ADAMTS8: variants seen among roughly 807,000 people sequenced by gnomAD.
ADAMTS8 encodes A disintegrin and metalloproteinase with thrombospondin motifs 8.
In ADAMTS8, 50 loss-of-function variants were observed where a neutral mutation model predicts 64.4. The observed-to-expected ratio is 0.78, with a 90% CI of 0.62 to 0.98. The LOEUF (loss-of-function observed/expected upper bound fraction) is 0.98, where lower values mean the gene tolerates loss of function less well. Among genes scored for constraint, ADAMTS8 ranks in the 50% least tolerant of loss-of-function variants. The probability of loss-of-function intolerance (pLI) is 0.00; values close to 1 mark genes in which losing one functional copy is unlikely to be tolerated. For synonymous variants in ADAMTS8, 556 were observed against 533.6 expected (o/e 1.04, Z -0.58); for missense variants, 1,192 against 1,208.2 (o/e 0.99, Z 0.20).
chr11:130,409,197 C>T (rs112453496), intron 6 of ADAMTS8, among the ~76,000 whole-genome samples: 2 of 152,198 alleles, frequency 1.3e-5, no homozygotes, highest in African/African-American at 2.4e-5. Context: ...GAAAGAGACT[C>T]ATTGTACTCT....
rs564335492 is a variant in ADAMTS8 at position 130,427,746 on chromosome 11, C to T, written c.541G>A (p.Asp181Asn). Residue 181 changes from aspartate (D) to asparagine (N), a missense_variant, in exon 1 of 9, where the codon GAC becomes AAC. Around this residue, in one of 5 missense-constraint regions of ADAMTS8, gnomAD observed 741 missense variants for 710.6 expected, o/e 1.04. Transcript: ENST00000257359. ...TGEGQRQERG[D>N]HQEDSEEESQ... ...TCCTCCTCGCTGTCCTCCTGGTGGT[C>T]TCCTCTCTCCTGCCTCTGACCCTCT... 1 of 1,595,930 alleles carries T rather than the reference C, an allele frequency of 6.3e-7. No individual in the cohort carries two copies. Among genetic ancestry groups the T allele is most frequent in the South Asian group, 1.1e-5 (1 of 87,996 alleles).
At chr11:130,409,119 A>C (rs1474312822) in intron 6 of ADAMTS8, among the ~76,000 whole-genome samples, 179 bp from the exon 7 acceptor site, 1 of 152,102 alleles carries the variant, frequency 6.6e-6, no homozygotes, top group African/African-American at 2.4e-5. Context: ...ACCCTTACTC[A>C]AAAGGGCAAG....
At position 130,405,553 on chromosome 11, in the gene ADAMTS8, CT is replaced by C. The variant is rs1861866442; in HGVS notation, c.*4del. On this transcript the variant is annotated 3_prime_UTR_variant, in exon 9 of 9. Transcript: ENST00000257359. The stretch of plus-strand genomic sequence containing the variant: ...GAGCACAAGACTGGCCCCTGCCCCC[CT>C]GAATCACAGGGGGCACAGCTGGCTT... The C allele has an allele frequency of 1.3e-6, 2 of 1,590,360 alleles. No homozygotes were observed. The highest frequency in any genetic ancestry group is 1.7e-6 in the Non-Finnish European group (2 of 1,166,092).
chr11:130,414,777 C>G lies in ADAMTS8; in HGVS notation c.1320G>C (p.Pro440=). 6.2e-7 allele frequency: 1 copy of G among 1,613,150 alleles called. No individual in the cohort carries two copies. Residue 440 remains proline (P), a synonymous_variant, in exon 5 of 9, where the codon CCG becomes CCC. Transcript: ENST00000257359. ...AAALPLPTGL[P]GRMALYQLDQ... Reference sequence around the variant, plus strand: ...CCAGCTGGTACAGGGCCATGCGGCCCGGGAGGCCTGTGGGGAGGGGCAGGG... The same window carrying G: ...CCAGCTGGTACAGGGCCATGCGGCCGGGGAGGCCTGTGGGGAGGGGCAGGG...
chr11:130,408,555 C>T lies in ADAMTS8; in HGVS notation c.2008G>A (p.Val670Met), dbSNP rs1009817402. The change falls in exon 8 of 9, where the codon GTG becomes ATG. Residue 670 changes from valine (V) to methionine (M), a missense_variant. Physicochemically the swap from Val to Met is conservative, Grantham distance 21 (BLOSUM62 1). Around this residue, in one of 5 missense-constraint regions of ADAMTS8, gnomAD observed 290 missense variants for 297.8 expected, o/e 0.97. Coordinates refer to ENST00000257359, the MANE Select transcript of ADAMTS8 (RefSeq NM_007037.6). Reference sequence around the variant, plus strand: ...TTGTCCAGCTTCCGAGGCGAGTCCACCACATGGTCACAGCCGGCCTTGACA... The same window carrying T: ...TTGTCCAGCTTCCGAGGCGAGTCCATCACATGGTCACAGCCGGCCTTGACA... Reference protein sequence around the residue: ...QCVKAGCDHVVDSPRKLDKCG... With the variant: ...QCVKAGCDHVMDSPRKLDKCG... 5 of 1,614,102 alleles carry T rather than the reference C, an allele frequency of 3.1e-6. No homozygotes were observed. In the East Asian group the frequency reaches 1.1e-4, roughly 36 times the overall value.
chr11:130,417,490 C>T (rs750386307), intron 2 of ADAMTS8, among the ~76,000 whole-genome samples: 6 of 143,834 alleles, frequency 4.2e-5, no homozygotes, highest in African/African-American at 5.9e-5. Flanking sequence ...CTCCTGACCT[C>T]GGACAATCCG....
chr11:130,405,356 A>ATG lies in ADAMTS8; in HGVS notation c.*200_*201dup. The ATG allele has an allele frequency of 7.2e-7, 1 of 1,393,152 alleles. No homozygotes were observed. Among genetic ancestry groups the ATG allele is most frequent in the South Asian group, 1.8e-5 (1 of 54,426 alleles). The allele number at this position is 1,393,152 out of a possible 1,614,324, so 86.3% of individuals were successfully genotyped here. ...CAAGGTCCAGTCCACTGGACAGTTG[A>ATG]TGATAGGGTCTGCCGCCCCATACCC... On this transcript the variant is annotated 3_prime_UTR_variant, in exon 9 of 9. Transcript: ENST00000257359.
intron 1 of ADAMTS8, among the ~76,000 whole-genome samples, chr11:130,420,874 G>A (rs972620914): frequency 2.0e-5 from 3 of 152,094 alleles, no homozygotes; most frequent in African/African-American, 7.2e-5. Context: ...GGGGGTGAGC[G>A]CTGAGGAATG....
Position 130,416,235 on chromosome 11 carries a change from G to A in ADAMTS8, c.1192C>T (p.His398Tyr). 1 of 1,592,726 alleles carries A rather than the reference G, an allele frequency of 6.3e-7. No individual in the cohort carries two copies. The highest frequency in any genetic ancestry group is 1.8e-5 in the Admixed American group (1 of 57,026). ...GACCAGGGCAGCGTCTGGTTCAGGTGGACGAACAGCGGTGCCATCACGTGG... is the reference window on the plus strand; with the variant it reads ...GACCAGGGCAGCGTCTGGTTCAGGTAGACGAACAGCGGTGCCATCACGTGG... ...KHHVMAPLFV[H>Y]LNQTLPWSPC... Residue 398 changes from histidine to tyrosine, a missense_variant, in exon 4 of 9, where the codon CAC becomes TAC. Transcript: ENST00000257359. The surrounding 1 kb of genome is among the most constrained non-coding windows in gnomAD (Gnocchi z 4.8).
Position 130,416,792 on chromosome 11 carries a change from A to G in ADAMTS8, c.1096+148T>C. Reference sequence around the variant, plus strand: ...TGTGTTCAGCACTGTCAAGCGCGGTATCTGTTTGTATACAGTCACCCTGTC... The same window carrying G: ...TGTGTTCAGCACTGTCAAGCGCGGTGTCTGTTTGTATACAGTCACCCTGTC... On this transcript the variant is annotated intron_variant, in intron 3 of 8. Transcript: ENST00000257359. This position sits in a 1 kb window ranked among gnomAD's most constrained non-coding sequence, Gnocchi z 4.8. The G allele has an allele frequency of 7.9e-7, 1 of 1,263,722 alleles. No homozygotes were observed. Among genetic ancestry groups the G allele is most frequent in the Non-Finnish European group, 1.1e-6 (1 of 898,298 alleles). The allele number at this position is 1,263,722 out of a possible 1,614,324, so 78.3% of individuals were successfully genotyped here. A position where few individuals can be genotyped will look rare whatever the true frequency, so the allele number is the denominator to read the frequency against.
rs1861948104 is a variant in ADAMTS8 at position 130,411,284 on chromosome 11, C to A, written c.1750+133G>T. On this transcript the variant is annotated intron_variant, in intron 6 of 8. Coordinates refer to ENST00000257359, the MANE Select transcript of ADAMTS8 (RefSeq NM_007037.6). This position sits in a 1 kb window ranked among gnomAD's most constrained non-coding sequence, Gnocchi z 4.2. ...GCAAAACTCTACATCCCAGGAGACC[C>A]AATTTACTCCCCTCTGGGAGTAACT... The A allele has an allele frequency of 8.9e-7, 1 of 1,117,882 alleles. No individual in the cohort carries two copies. Among genetic ancestry groups the A allele is most frequent in the Non-Finnish European group, 1.3e-6 (1 of 793,900 alleles). The allele number at this position is 1,117,882 out of a possible 1,614,324, so 69.2% of individuals were successfully genotyped here.
At chr11:130,414,981 GA>G in intron 4 of ADAMTS8, 149 bp from the exon 5 acceptor site, 1 of 871,158 alleles carries the variant, frequency 1.1e-6, no homozygotes, top group Non-Finnish European at 1.7e-6. Flanking sequence ...ATGATCTAGT[GA>G]GAGCATGCCT....
chr11:130,413,919 C>T (rs1392655852), intron 5 of ADAMTS8, among the ~76,000 whole-genome samples: 1 of 152,196 alleles, frequency 6.6e-6, no homozygotes, highest in East Asian at 1.9e-4. Flanking sequence ...ACCCCGCTCA[C>T]CAATCTGCAC....
rs1376249991 is a variant in ADAMTS8 at position 130,405,719 on chromosome 11, C to T, written c.2509G>A (p.Val837Met). 16 of 1,614,186 alleles carry T rather than the reference C, an allele frequency of 9.9e-6. No individual in the cohort carries two copies. The highest frequency in any genetic ancestry group is 1.4e-5 in the Non-Finnish European group (16 of 1,180,010). The change falls in exon 9 of 9, where the codon GTG (valine) becomes ATG (methionine). Residue 837 changes from valine (V) to methionine (M), a missense_variant. By Grantham distance (21) the Val-to-Met change is conservative. Around this residue, in one of 5 missense-constraint regions of ADAMTS8, gnomAD observed 147 missense variants for 154.1 expected, o/e 0.95. Coordinates refer to ENST00000257359, the MANE Select transcript of ADAMTS8 (RefSeq NM_007037.6). The stretch of plus-strand genomic sequence containing the variant: ...GAGCACTCAGACCAGTCCCCCAGCA[C>T]CCACTGTGCGTGGAGCAGCGGCTGG... ...IIQPLLHAQWVLGDWSECSST... is the reference protein window; with the variant it reads ...IIQPLLHAQWMLGDWSECSST...
intron 5 of ADAMTS8, among the ~76,000 whole-genome samples, chr11:130,412,444 C>T (rs1861964745): frequency 6.6e-6 from 1 of 151,950 alleles, no homozygotes; most frequent in Admixed American, 6.6e-5. Flanking sequence ...GAACTCCTGA[C>T]CTCAAGTGAT....
Position 130,416,836 on chromosome 11 carries a change from T to G in ADAMTS8, c.1096+104A>C. On this transcript the variant is annotated intron_variant, in intron 3 of 8. Coordinates refer to ENST00000257359, the MANE Select transcript of ADAMTS8 (RefSeq NM_007037.6). The surrounding 1 kb of genome is among the most constrained non-coding windows in gnomAD (Gnocchi z 4.8). ...CCCTGTCAAAATTAGGAGGAGCTAT[T>G]CCTAAGCAAGGGCCGCATATTCCTT... 1 of 1,549,598 alleles carries G rather than the reference T, an allele frequency of 6.5e-7. No homozygotes were observed. The highest frequency in any genetic ancestry group is 8.8e-7 in the Non-Finnish European group (1 of 1,135,336).
In ADAMTS8 at chr11:130,416,263, C is replaced by T. The variant is rs1862023059; in HGVS notation, c.1164G>A (p.Lys388=). The change falls in exon 4 of 9, where the codon AAG becomes AAA. Residue 388 remains lysine, a synonymous_variant. Transcript: ENST00000257359. The surrounding 1 kb of genome is among the most constrained non-coding windows in gnomAD (Gnocchi z 4.8). The stretch of plus-strand genomic sequence containing the variant: ...CGAACAGCGGTGCCATCACGTGGTG[C>T]TTGCCCATGGGCCCGAAGAGCCGTG... ...PCTRLFGPMG[K]HHVMAPLFVH... 1.3e-6 allele frequency: 2 copies of T among 1,582,714 alleles called. No homozygotes were observed. The highest frequency in any genetic ancestry group is 2.3e-5 in the South Asian group (2 of 86,358).
rs1452089270 is a variant in ADAMTS8, at chr11:130,427,607, G to T, written c.680C>A (p.Ala227Asp). 1.0e-5 allele frequency: 16 copies of T among 1,546,882 alleles called. No homozygotes were observed. The highest frequency in any genetic ancestry group is 1.3e-5 in the Non-Finnish European group (15 of 1,149,624). ...EARFVETLLVADASMAAFYGA... is the reference protein window; with the variant it reads ...EARFVETLLVDDASMAAFYGA... ...GTAGAAGGCAGCCATGGACGCATCG[G>T]CCACCAGCAGCGTCTCCACGAAGCG... Residue 227 changes from alanine to aspartate, a missense_variant, in exon 1 of 9, where the codon GCC (alanine) becomes GAC (aspartate). Ala to Asp is a moderately radical substitution (Grantham distance 126). Transcript: ENST00000257359.
In ADAMTS8 at chr11:130,408,499, GGA is replaced by G; in HGVS notation, c.2062_2063del (p.Ser688LeufsTer17). On this transcript the variant is annotated frameshift_variant, in exon 8 of 9. Transcript: ENST00000257359. LOFTEE classifies it low-confidence loss of function (END_TRUNC). ...KCGVCGGKGN[S>X]CRKVSGSLTP... ...TGAGGGACCCGGAGACCTTCCTGCAGGAGTTGCCTTTGCCCCCACACACCCCG... is the reference window on the plus strand; with the variant it reads ...TGAGGGACCCGGAGACCTTCCTGCAGGTTGCCTTTGCCCCCACACACCCCG... 1 of 1,614,058 alleles carries G rather than the reference GGA, an allele frequency of 6.2e-7. No homozygotes were observed. Among genetic ancestry groups the G allele is most frequent in the Non-Finnish European group, 8.5e-7 (1 of 1,180,006 alleles).
Sources: gnomAD v4.1 joint callset for allele counts (sites outside exome capture counted in the v4.1 genomes callset) on GRCh38, gnomAD v4.1.1 for gene constraint, gnomAD v4.1.1 regional missense constraint, Gnocchi (gnomAD v3.1) non-coding constraint, MANE v1.5 for transcripts, NCBI Gene and HGNC (gene_info 2026-07-23, HGNC 2026-07-21) for gene names.